The following MYT1L variants were observed in gnomAD, a reference collection of about 807,000 sequenced individuals.
MYT1L encodes myelin transcription factor 1 like, also known as myelin transcription factor 1-like protein.
In MYT1L, 12 loss-of-function variants were observed where a neutral mutation model predicts 126.7. That is an observed-to-expected ratio of 0.09 (90% CI 0.06 to 0.15). The LOEUF (loss-of-function observed/expected upper bound fraction) is 0.15. Ranked by LOEUF, MYT1L falls within the 10% of genes least tolerant of loss-of-function variation. MYT1L has a pLI of 1.00. For missense variants in MYT1L, 979 were observed against 1,585.2 expected, an observed-to-expected ratio of 0.62 and a Z score of 6.49; for synonymous variants, 541 against 604.2, an observed-to-expected ratio of 0.90 and a Z score of 1.53.
intron 18 of MYT1L, among the ~76,000 whole-genome samples, chr2:1,871,412 G>A (rs923728949): frequency 5.9e-5 from 9 of 152,346 alleles, no homozygotes; most frequent in South Asian, 2.1e-4. Flanking sequence ...CTGGAGAACC[G>A]GGATACCAAT....
intron 2 of MYT1L, among the ~76,000 whole-genome samples, chr2:2,184,472 C>T (rs2091905701): frequency 6.6e-6 from 1 of 152,108 alleles, no homozygotes. Flanking sequence ...TACTTTCTAT[C>T]AATGTTAAAA....
intron 3 of MYT1L, among the ~76,000 whole-genome samples, chr2:2,072,342 A>G (rs1327599815): frequency 2.0e-5 from 3 of 152,318 alleles, no homozygotes. Flanking sequence ...AATGAATTTC[A>G]TATTTGTGAA....
chr2:2,095,399 A>G (rs1575126714), intron 3 of MYT1L, among the ~76,000 whole-genome samples: 3 of 152,204 alleles, frequency 2.0e-5, no homozygotes, highest in African/African-American at 7.2e-5. Flanking sequence ...CAAGAGTTCT[A>G]TGAAAAGGGT....
At chr2:2,203,878 C>G (rs534106771) in intron 2 of MYT1L, among the ~76,000 whole-genome samples, 1 of 152,076 alleles carries the variant, frequency 6.6e-6, no homozygotes, top group Non-Finnish European at 1.5e-5. Flanking sequence ...AGGCTACAGT[C>G]ACCAAAACAG....
At chr2:2,294,468 C>T (rs1348497878) in intron 1 of MYT1L, among the ~76,000 whole-genome samples, 1 of 152,130 alleles carries the variant, frequency 6.6e-6, no homozygotes, top group African/African-American at 2.4e-5. Flanking sequence ...GATGCCCGCG[C>T]CTGATGCAGT....
At chr2:2,029,777 T>C (rs1327172405) in intron 4 of MYT1L, among the ~76,000 whole-genome samples, 1 of 152,256 alleles carries the variant, frequency 6.6e-6, no homozygotes, top group African/African-American at 2.4e-5. Flanking sequence ...GAAAAGTCTG[T>C]ATATAATTTA....
rs772575325 is a variant in MYT1L, at chr2:1,979,600, C to T, written c.56-46G>A. ...ATAAAAATTTACCATCTATCACAAG[C>T]GACCCTCTTCCACAGAAAATTACCA... On this transcript the variant is annotated intron_variant, in intron 6 of 24. Coordinates refer to ENST00000647738, the MANE Select transcript of MYT1L (RefSeq NM_001303052.2). The surrounding 1 kb of genome is among the most constrained non-coding windows in gnomAD (Gnocchi z 4.0). The T allele has an allele frequency of 3.1e-5, 50 of 1,605,956 alleles. No individual in the cohort carries two copies. In the East Asian group the frequency reaches 8.7e-4, roughly 28 times the overall value.
At chr2:1,965,660 T>A (rs1291710832) in intron 8 of MYT1L, among the ~76,000 whole-genome samples, 4 of 152,190 alleles carry the variant, frequency 2.6e-5, no homozygotes, top group Non-Finnish European at 1.5e-5. Flanking sequence ...TCCCTCTGCC[T>A]TTTGGCATCA....
intron 2 of MYT1L, among the ~76,000 whole-genome samples, chr2:2,251,889 A>G (rs2094660702): frequency 6.6e-6 from 1 of 151,884 alleles, no homozygotes; most frequent in African/African-American, 2.4e-5. Flanking sequence ...AGAAAGAAGA[A>G]CGAAAAGAAA....
At position 1,998,973 on chromosome 2, in the gene MYT1L, A is replaced by G. The variant is rs367721263; in HGVS notation, c.-157-1626T>C. Among the ~76,000 whole-genome samples the G allele has an allele frequency of 2.0e-3, 312 of 152,362 alleles. 10 individuals are homozygous for G. The South Asian group carries it at 0.063, about 31-fold the overall frequency. On this transcript the variant is annotated intron_variant, in intron 4 of 24. Transcript: ENST00000647738. ...GATTCTAAATGATCAGACATGCTCT[A>G]CATGTGACCCAAGCAACAAGCAAAA...
At chr2:2,310,362 G>A (rs1012609304) in intron 1 of MYT1L, among the ~76,000 whole-genome samples, 1 of 151,926 alleles carries the variant, frequency 6.6e-6, no homozygotes, top group African/African-American at 2.4e-5. Flanking sequence ...TTACACTTCA[G>A]TATACTCTAT....
At chr2:2,153,856 G>A (rs1031938734) in intron 3 of MYT1L, among the ~76,000 whole-genome samples, 1 of 152,108 alleles carries the variant, frequency 6.6e-6, no homozygotes, top group Non-Finnish European at 1.5e-5. Flanking sequence ...AGGGCTGAGG[G>A]AGGGAACAGC....
At chr2:2,302,050 A>G (rs536532463) in intron 1 of MYT1L, among the ~76,000 whole-genome samples, 2 of 152,292 alleles carry the variant, frequency 1.3e-5, no homozygotes, top group South Asian at 4.2e-4. Flanking sequence ...TTTCTATTCC[A>G]AAATTGATAT....
At chr2:1,813,750 G>C (rs940903293) in intron 21 of MYT1L, among the ~76,000 whole-genome samples, 6 of 151,864 alleles carry the variant, frequency 4.0e-5, no homozygotes, top group Admixed American at 2.6e-4. Flanking sequence ...GCTTCCGGCC[G>C]GGCGCGGTGG....
intron 21 of MYT1L, among the ~76,000 whole-genome samples, chr2:1,813,332 GC>G (rs2037006648): frequency 6.6e-6 from 1 of 152,096 alleles, no homozygotes; most frequent in African/African-American, 2.4e-5. Context: ...AGGCCCCTGG[GC>G]CTCAGCCTGG....
intron 2 of MYT1L, among the ~76,000 whole-genome samples, chr2:2,213,565 T>C (rs1287352355): frequency 6.6e-6 from 1 of 152,172 alleles, no homozygotes; most frequent in Non-Finnish European, 1.5e-5. Flanking sequence ...CCTGTTCTCG[T>C]CAGCCAGGTG....
In MYT1L at chr2:1,954,220, A is replaced by G. The variant is rs549342789; in HGVS notation, c.153-10886T>C. Among the ~76,000 whole-genome samples the G allele has an allele frequency of 4.6e-5, 7 of 152,224 alleles. No homozygotes were observed. The East Asian group carries it at 9.7e-4, about 21-fold the overall frequency. ...CACCTCCCCTGCCAGGCCAACACAA[A>G]CGCTGAAGTCACCGTGAGTCAGAAA... On this transcript the variant is annotated intron_variant, in intron 8 of 24. Transcript: ENST00000647738.
chr2:2,023,503 T>C (rs1488205311), intron 4 of MYT1L, among the ~76,000 whole-genome samples: 1 of 152,070 alleles, frequency 6.6e-6, no homozygotes, highest in African/African-American at 2.4e-5. Flanking sequence ...ACCAACAGAT[T>C]GGGTAGTGCC....
chr2:2,207,980 G>C (rs1395617106), intron 2 of MYT1L, among the ~76,000 whole-genome samples: 3 of 152,092 alleles, frequency 2.0e-5, no homozygotes, highest in Non-Finnish European at 4.4e-5. Context: ...CACTCTGGTA[G>C]GTTGGGTTCA....
Sources: gnomAD v4.1 joint callset for allele counts (sites outside exome capture counted in the v4.1 genomes callset) on GRCh38, gnomAD v4.1.1 for gene constraint, Gnocchi (gnomAD v3.1) non-coding constraint, MANE v1.5 for transcripts, NCBI Gene and HGNC (gene_info 2026-07-23, HGNC 2026-07-21) for gene names.